ERBB4: variants seen among roughly 807,000 people sequenced by gnomAD.
ERBB4 encodes erb-b2 receptor tyrosine kinase 4.
A neutral mutation model predicts 158.0 loss-of-function variants in ERBB4; 42 were observed. That is an observed-to-expected ratio of 0.27 (90% CI 0.21 to 0.34). The LOEUF is 0.34. Among genes scored for constraint, ERBB4 ranks in the 10% least tolerant of loss-of-function variants. The pLI is 1.00. For missense variants in ERBB4, 1,333 were observed against 1,624.1 expected, an observed-to-expected ratio of 0.82 and a Z score of 3.08; for synonymous variants, 583 against 558.7, an observed-to-expected ratio of 1.04 and a Z score of -0.61.
At chr2:211,410,004 A>G (rs543755526) in intron 25 of ERBB4, among the ~76,000 whole-genome samples, 2 of 152,300 alleles carry the variant, frequency 1.3e-5, no homozygotes, top group South Asian at 2.1e-4. Flanking sequence ...GTTCATCTAT[A>G]TATACTAAGG....
chr2:211,857,620 A>G (rs572176271), intron 3 of ERBB4, among the ~76,000 whole-genome samples: 51 of 152,362 alleles, frequency 3.3e-4, no homozygotes, highest in African/African-American at 1.1e-3. Context: ...ACAAATGACA[A>G]TTGGATAAGC....
At chr2:212,483,543 A>G (rs1359044159) in intron 1 of ERBB4, among the ~76,000 whole-genome samples, 1 of 152,204 alleles carries the variant, frequency 6.6e-6, no homozygotes, top group Non-Finnish European at 1.5e-5. Context: ...TTTCAGACCC[A>G]ATAGCCAATG....
chr2:211,495,886 A>G (rs974674521), intron 20 of ERBB4, among the ~76,000 whole-genome samples: 9 of 152,038 alleles, frequency 5.9e-5, no homozygotes, highest in Non-Finnish European at 7.4e-5. Context: ...AATATCATTT[A>G]TATCTTAAAG....
chr2:211,450,821 C>A (rs1197599085), intron 20 of ERBB4, among the ~76,000 whole-genome samples: 1 of 152,132 alleles, frequency 6.6e-6, no homozygotes, highest in Non-Finnish European at 1.5e-5. Context: ...GACTACCTGA[C>A]AACATATAGG....
Position 212,231,139 on chromosome 2 carries a change from G to A in ERBB4, c.83-106236C>T, listed in dbSNP as rs536462393. On this transcript the variant is annotated intron_variant, in intron 1 of 27. Coordinates refer to ENST00000342788, the MANE Select transcript of ERBB4 (RefSeq NM_005235.3). ...GTCTTCCAAAAGTAACTACTTTGTT[G>A]TTTCAGAAATTTTTTCAAGAAGTGT... 8.5e-5 allele frequency among the ~76,000 whole-genome samples: 13 copies of A among 152,124 alleles called. No individual in the cohort carries two copies. The South Asian group carries it at 2.7e-3, about 32-fold the overall frequency.
At chr2:212,165,022 A>T (rs1030182837) in intron 1 of ERBB4, among the ~76,000 whole-genome samples, 1 of 151,606 alleles carries the variant, frequency 6.6e-6, no homozygotes, top group Non-Finnish European at 1.5e-5. Context: ...ATAAAAGACC[A>T]TTTTTTTAAT....
chr2:212,261,699 T>C (rs932540547), intron 1 of ERBB4, among the ~76,000 whole-genome samples: 10 of 152,102 alleles, frequency 6.6e-5, no homozygotes, highest in African/African-American at 2.4e-4. Context: ...GAAGTTAAGA[T>C]GGGTAATAAT....
chr2:211,388,809 G>A (rs1039227003), intron 25 of ERBB4, among the ~76,000 whole-genome samples: 1 of 152,110 alleles, frequency 6.6e-6, no homozygotes, highest in African/African-American at 2.4e-5. Flanking sequence ...TTAGGGTAAG[G>A]AAAAGGAGTT....
intron 2 of ERBB4, among the ~76,000 whole-genome samples, chr2:211,991,318 A>G (rs1464676578): frequency 6.6e-6 from 1 of 152,118 alleles, no homozygotes; most frequent in East Asian, 1.9e-4. Flanking sequence ...TAAAATTACA[A>G]ACCAATTACC....
chr2:211,472,153 T>C (rs2064842901), intron 20 of ERBB4, among the ~76,000 whole-genome samples: 1 of 151,948 alleles, frequency 6.6e-6, no homozygotes, highest in Non-Finnish European at 1.5e-5. Context: ...AGTGTGAAGG[T>C]TGTTGCAGCA....
At chr2:212,466,391 T>C (rs1264008968) in intron 1 of ERBB4, among the ~76,000 whole-genome samples, 1 of 152,232 alleles carries the variant, frequency 6.6e-6, no homozygotes, top group Non-Finnish European at 1.5e-5. Context: ...AAATATCTTC[T>C]TGTAGCTTCC....
At chr2:211,912,375 C>T (rs954121361) in intron 3 of ERBB4, among the ~76,000 whole-genome samples, 11 of 151,772 alleles carry the variant, frequency 7.2e-5, no homozygotes, top group African/African-American at 2.7e-4. Flanking sequence ...GAGTAAATTT[C>T]AAATGTTCTC....
rs2063682670 is a variant in ERBB4, at chr2:211,428,489, GAGAAGTA to G, written c.2644-13_2644-7del. 1 of 1,481,566 alleles carries G rather than the reference GAGAAGTA, an allele frequency of 6.7e-7. No homozygotes were observed. The highest frequency in any genetic ancestry group is 9.4e-7 in the Non-Finnish European group (1 of 1,060,862). 91.8% of individuals were successfully genotyped at this position (1,481,566 alleles called of 1,614,324 possible). On this transcript the variant is annotated splice_polypyrimidine_tract_variant and splice_region_variant and intron_variant, in intron 21 of 27. Transcript: ENST00000342788. Reference sequence around the variant, plus strand: ...GCCATCCATTTAATTGGCATCTATAGAGAAGTAAGAAGTAAAAGTTTTAAAATTACAT... The same window carrying G: ...GCCATCCATTTAATTGGCATCTATAGAGAAGTAAAAGTTTTAAAATTACAT...
At chr2:212,402,362 G>T (rs2091231369) in intron 1 of ERBB4, among the ~76,000 whole-genome samples, 1 of 152,012 alleles carries the variant, frequency 6.6e-6, no homozygotes, top group Non-Finnish European at 1.5e-5. Flanking sequence ...GGATTGGGCG[G>T]GCTTTGGAGG....
chr2:211,997,352 T>TA (rs375421430), intron 2 of ERBB4, among the ~76,000 whole-genome samples: 30 of 149,604 alleles, frequency 2.0e-4, no homozygotes, highest in Non-Finnish European at 2.7e-4. Context: ...TTTCACTTGT[T>TA]AAAAAAAAAA....
chr2:211,960,929 A>G (rs183988642), intron 2 of ERBB4, among the ~76,000 whole-genome samples: 4 of 152,262 alleles, frequency 2.6e-5, no homozygotes, highest in African/African-American at 9.6e-5. Flanking sequence ...ACCAATTTTG[A>G]TTCATTAATT....
At chr2:211,628,487 A>G (rs2069954513) in intron 17 of ERBB4, among the ~76,000 whole-genome samples, 2 of 152,200 alleles carry the variant, frequency 1.3e-5, no homozygotes, top group South Asian at 4.1e-4. Context: ...TGTCCCTACA[A>G]AGAACATGAA....
At chr2:211,846,783 C>G (rs1436022625) in intron 3 of ERBB4, among the ~76,000 whole-genome samples, 1 of 152,004 alleles carries the variant, frequency 6.6e-6, no homozygotes, top group East Asian at 1.9e-4. Flanking sequence ...AGTCTGAAGG[C>G]AATGCTGATT....
At chr2:212,384,908 TATATATATATATAC>T (rs1021822339) in intron 1 of ERBB4, among the ~76,000 whole-genome samples, 17 of 139,874 alleles carry the variant, frequency 1.2e-4, no homozygotes, top group African/African-American at 3.3e-4. Context: ...TATATATATA[TATATATATATATAC>T]ACACACACAC....
Sources: allele counts gnomAD v4.1 joint callset (sites outside exome capture counted in the v4.1 genomes callset), GRCh38; gene constraint gnomAD v4.1.1; transcripts MANE v1.5; gene names NCBI Gene and HGNC (gene_info 2026-07-23, HGNC 2026-07-21).